ARHGAP26: variants seen among roughly 807,000 people sequenced by gnomAD.
ARHGAP26 encodes the protein Rho GTPase activating protein 26.
Under a neutral mutation model 104.8 loss-of-function variants are expected in ARHGAP26, and 38 were observed. That is an observed-to-expected ratio of 0.36 (90% CI 0.28 to 0.48). ARHGAP26 has a LOEUF of 0.48. Ranked by LOEUF, ARHGAP26 falls within the 20% of genes least tolerant of loss-of-function variation. The pLI, the probability that ARHGAP26 is intolerant of heterozygous loss-of-function variation, is 0.99. For missense variants in ARHGAP26, 704 were observed against 947.9 expected, an observed-to-expected ratio of 0.74 and a Z score of 3.38; for synonymous variants, 341 against 340.0, an observed-to-expected ratio of 1.00 and a Z score of -0.03.
At chr5:143,049,610 C>T (rs1784706337) in intron 14 of ARHGAP26, among the ~76,000 whole-genome samples, 1 of 152,124 alleles carries the variant, frequency 6.6e-6, no homozygotes, top group Non-Finnish European at 1.5e-5. Flanking sequence ...TTTTTATCTT[C>T]TGTTTAATCA....
chr5:143,222,278 CACA>C, intron 22 of ARHGAP26, 77 bp from the exon 23 acceptor site: 2 of 814,986 alleles, frequency 2.5e-6, no homozygotes, highest in Non-Finnish European at 3.8e-6. Context: ...CACACACACA[CACA>C]CACCCCACAC....
intron 17 of ARHGAP26, among the ~76,000 whole-genome samples, chr5:143,075,533 A>G (rs1476248172): frequency 6.6e-6 from 1 of 152,120 alleles, no homozygotes; most frequent in East Asian, 1.9e-4. Context: ...ACTGGGCCTC[A>G]CTCAAGATTT....
intron 14 of ARHGAP26, among the ~76,000 whole-genome samples, chr5:143,045,931 G>A (rs1018196134): frequency 3.3e-5 from 5 of 152,270 alleles, no homozygotes; most frequent in African/African-American, 9.6e-5. Context: ...TCAGGAGTTC[G>A]AGACCAGCCT....
At chr5:143,104,486 G>T (rs1436011976) in intron 17 of ARHGAP26, among the ~76,000 whole-genome samples, 1 of 152,134 alleles carries the variant, frequency 6.6e-6, no homozygotes, top group Admixed American at 6.5e-5. Context: ...ACTCCAGTCT[G>T]GGCGAGAGAG....
intron 17 of ARHGAP26, among the ~76,000 whole-genome samples, chr5:143,098,174 T>A (rs955207197): frequency 1.3e-5 from 2 of 152,212 alleles, no homozygotes; most frequent in Non-Finnish European, 2.9e-5. Context: ...ATTCTTGTTC[T>A]ACAGCTGTGC....
intron 22 of ARHGAP26, 87 bp from the exon 23 acceptor site, chr5:143,222,271 A>G: frequency 1.4e-6 from 1 of 711,092 alleles, no homozygotes; most frequent in Non-Finnish European, 2.2e-6. Flanking sequence ...ACACACACAC[A>G]CACACACACA....
intron 11 of ARHGAP26, among the ~76,000 whole-genome samples, chr5:143,001,258 A>G (rs533571291): frequency 7.9e-5 from 12 of 152,308 alleles, no homozygotes; most frequent in Non-Finnish European, 1.5e-4. Context: ...TTTAGCTTAC[A>G]TGGGTATATG....
rs761194726 is a variant in ARHGAP26 at position 142,848,657 on chromosome 5, C to G, written c.155-24743C>G. Among the ~76,000 whole-genome samples, 4 of 152,288 alleles carry G rather than the reference C, an allele frequency of 2.6e-5. No homozygotes were observed. The East Asian group carries it at 7.7e-4, about 29-fold the overall frequency. ...TGAAAGAATTTTGCTTATAATGAGT[C>G]CTTAGTGAGGCAAAGGATGGCATTA... On this transcript the variant is annotated intron_variant, in intron 1 of 22. Coordinates refer to ENST00000645722, the MANE Select transcript of ARHGAP26 (RefSeq NM_001135608.3).
intron 11 of ARHGAP26, among the ~76,000 whole-genome samples, chr5:142,969,589 T>C (rs1194568313): frequency 6.6e-6 from 1 of 152,226 alleles, no homozygotes; most frequent in East Asian, 1.9e-4. Context: ...GTCTTTTCCA[T>C]GAATAATGTT....
At position 142,773,103 on chromosome 5, in the gene ARHGAP26, G is replaced by A. The variant is rs964615527; in HGVS notation, c.154+2188G>A. Among the ~76,000 whole-genome samples, 11 of 152,226 alleles carry A rather than the reference G, an allele frequency of 7.2e-5. No individual in the cohort carries two copies. The East Asian group carries it at 2.1e-3, about 29-fold the overall frequency. On this transcript the variant is annotated intron_variant, in intron 1 of 22. Coordinates refer to ENST00000645722, the MANE Select transcript of ARHGAP26 (RefSeq NM_001135608.3). ...GTCAGGTGACCTCTAAAAATAGAGG[G>A]TGGAGTCAACCATTGTGTCCTGGAT...
chr5:142,894,837 C>T (rs1408875782), intron 6 of ARHGAP26, among the ~76,000 whole-genome samples: 1 of 152,252 alleles, frequency 6.6e-6, no homozygotes, highest in Non-Finnish European at 1.5e-5. Context: ...TATAAAGTTT[C>T]TCACATGGAT....
intron 10 of ARHGAP26, among the ~76,000 whole-genome samples, chr5:142,913,891 G>A (rs778482939): frequency 2.2e-4 from 33 of 152,134 alleles, no homozygotes; most frequent in East Asian, 9.7e-4. Flanking sequence ...GTACCATTTC[G>A]TGGTGTTAAG....
At chr5:142,990,777 A>C (rs913193603) in intron 11 of ARHGAP26, among the ~76,000 whole-genome samples, 1 of 152,150 alleles carries the variant, frequency 6.6e-6, no homozygotes, top group African/African-American at 2.4e-5. Flanking sequence ...GCAGAACAGC[A>C]AATATTGCAG....
chr5:143,067,643 T>G (rs1262855867), intron 17 of ARHGAP26, among the ~76,000 whole-genome samples: 1 of 152,236 alleles, frequency 6.6e-6, no homozygotes, highest in Non-Finnish European at 1.5e-5. Flanking sequence ...TATTCTTGAT[T>G]CTCTTCAGTA....
intron 8 of ARHGAP26, among the ~76,000 whole-genome samples, chr5:142,906,585 T>C (rs575225456): frequency 6.6e-6 from 1 of 152,358 alleles, no homozygotes; most frequent in South Asian, 2.1e-4. Flanking sequence ...GGTTCCTCTT[T>C]TGTTCAGGAG....
At chr5:142,910,045 T>C (rs1013161706) in intron 9 of ARHGAP26, among the ~76,000 whole-genome samples, 1 of 152,250 alleles carries the variant, frequency 6.6e-6, no homozygotes, top group Non-Finnish European at 1.5e-5. Context: ...TAAAAATTTT[T>C]TGGAACAAAT....
intron 17 of ARHGAP26, among the ~76,000 whole-genome samples, chr5:143,079,297 G>C (rs749758941): frequency 1.3e-5 from 2 of 152,228 alleles, no homozygotes; most frequent in Non-Finnish European, 2.9e-5. Flanking sequence ...TGTGAAGTAA[G>C]CGCTTTCTCC....
At chr5:143,011,661 A>G (rs560674888) in intron 11 of ARHGAP26, among the ~76,000 whole-genome samples, 12 of 152,010 alleles carry the variant, frequency 7.9e-5, no homozygotes, top group Non-Finnish European at 1.6e-4. Flanking sequence ...CTTCTCTCCA[A>G]CCCCTTTGTT....
chr5:142,963,891 G>A (rs983820749), intron 11 of ARHGAP26, among the ~76,000 whole-genome samples: 3 of 152,176 alleles, frequency 2.0e-5, no homozygotes, highest in Non-Finnish European at 2.9e-5. Flanking sequence ...AAATTTAACA[G>A]AGTGGAAAAC....
Sources: allele counts gnomAD v4.1 joint callset (sites outside exome capture counted in the v4.1 genomes callset), GRCh38; gene constraint gnomAD v4.1.1; transcripts MANE v1.5; gene names NCBI Gene and HGNC (gene_info 2026-07-23, HGNC 2026-07-21).